The following SYNPR variants were observed in gnomAD, a reference collection of about 807,000 sequenced individuals.
SYNPR encodes synaptoporin.
Under a neutral mutation model 32.9 loss-of-function variants are expected in SYNPR, and 23 were observed. That is an observed-to-expected ratio of 0.70 (90% CI 0.50 to 0.99). The LOEUF is 0.99. Among genes scored for constraint, SYNPR ranks in the 50% least tolerant of loss-of-function variants. The pLI, the probability that SYNPR is intolerant of heterozygous loss-of-function variation, is 0.00. For synonymous variants in SYNPR, 146 were observed against 135.9 expected (o/e 1.07, Z -0.52); for missense variants, 318 against 349.3 (o/e 0.91, Z 0.71).
chr3:63,266,854 G>C (rs115314355), intron 2 of SYNPR, among the ~76,000 whole-genome samples: 1 of 152,170 alleles, frequency 6.6e-6, no homozygotes, highest in African/African-American at 2.4e-5. Flanking sequence ...GGTGCCGGGA[G>C]TCCATGGTAC....
chr3:63,368,167 C>T (rs2087750443), intron 2 of SYNPR, among the ~76,000 whole-genome samples: 1 of 152,110 alleles, frequency 6.6e-6, no homozygotes, highest in Non-Finnish European at 1.5e-5. Context: ...GAGGTGTTTG[C>T]CTGGACCAAG....
intron 3 of SYNPR, among the ~76,000 whole-genome samples, chr3:63,525,488 C>A (rs934825884): frequency 2.6e-5 from 4 of 152,190 alleles, no homozygotes; most frequent in African/African-American, 9.6e-5. Flanking sequence ...GAGAAGTCAC[C>A]TTCCCTGACC....
chr3:63,592,670 C>T (rs1462053564), intron 4 of SYNPR, among the ~76,000 whole-genome samples: 2 of 151,906 alleles, frequency 1.3e-5, no homozygotes, highest in Admixed American at 6.6e-5. Context: ...TTATGTTCTA[C>T]TGAGTTAAAT....
chr3:63,414,929 C>T (rs2088520210), intron 2 of SYNPR, among the ~76,000 whole-genome samples: 1 of 152,116 alleles, frequency 6.6e-6, no homozygotes, highest in Non-Finnish European at 1.5e-5. Context: ...TCTAAAAGTG[C>T]AAAATTTTCT....
At chr3:63,231,919 C>T (rs1265244175) in intron 1 of SYNPR, among the ~76,000 whole-genome samples, 1 of 152,172 alleles carries the variant, frequency 6.6e-6, no homozygotes, top group African/African-American at 2.4e-5. Flanking sequence ...TTAACAAGAT[C>T]AGTGAACCCC....
intron 2 of SYNPR, among the ~76,000 whole-genome samples, chr3:63,354,449 G>T (rs553225641): frequency 1.1e-4 from 16 of 152,276 alleles, no homozygotes; most frequent in Middle Eastern, 3.4e-3. Context: ...GTTAGAGTTT[G>T]CTTTGCAAGT....
chr3:63,443,989 T>C (rs1700227378), intron 2 of SYNPR, among the ~76,000 whole-genome samples: 1 of 152,218 alleles, frequency 6.6e-6, no homozygotes. Flanking sequence ...CCCCTACGAT[T>C]GGATGCATGC....
At chr3:63,256,166 C>G (rs1399120887) in intron 2 of SYNPR, among the ~76,000 whole-genome samples, 1 of 152,368 alleles carries the variant, frequency 6.6e-6, no homozygotes, top group East Asian at 1.9e-4. Context: ...AAACAAAAGG[C>G]AGCAGAAACC....
chr3:63,514,895 C>T (rs1023391812), intron 3 of SYNPR, among the ~76,000 whole-genome samples: 35 of 152,136 alleles, frequency 2.3e-4, no homozygotes, highest in Middle Eastern at 6.8e-3. Flanking sequence ...TCTAAGGTTT[C>T]CCACAAAAAC....
At chr3:63,352,963 C>T (rs1204158996) in intron 2 of SYNPR, among the ~76,000 whole-genome samples, 2 of 152,178 alleles carry the variant, frequency 1.3e-5, no homozygotes, top group Non-Finnish European at 2.9e-5. Context: ...AGCCATAATT[C>T]AACATGAGAT....
At chr3:63,457,434 T>C (rs973743459) in intron 2 of SYNPR, among the ~76,000 whole-genome samples, 6 of 152,178 alleles carry the variant, frequency 3.9e-5, no homozygotes, top group African/African-American at 1.4e-4. Flanking sequence ...GATATTTATG[T>C]CTCACCAATA....
chr3:63,236,095 T>C (rs988657336), intron 1 of SYNPR, among the ~76,000 whole-genome samples: 3 of 151,934 alleles, frequency 2.0e-5, no homozygotes, highest in Admixed American at 6.6e-5. Context: ...GGATGCCCAA[T>C]TAGTTTGGCA....
At chr3:63,592,027 T>G (rs563697222) in intron 4 of SYNPR, among the ~76,000 whole-genome samples, 67 of 151,982 alleles carry the variant, frequency 4.4e-4, no homozygotes, top group African/African-American at 1.5e-3. Context: ...GATCTCATAA[T>G]GAGATCAAGC....
intron 1 of SYNPR, among the ~76,000 whole-genome samples, chr3:63,242,897 A>G (rs2086259101): frequency 6.6e-6 from 1 of 152,104 alleles, no homozygotes; most frequent in African/African-American, 2.4e-5. Flanking sequence ...ATGGGAAAGA[A>G]TGAAATGGAA....
chr3:63,598,806 T>C (rs1699997289), intron 4 of SYNPR, among the ~76,000 whole-genome samples: 1 of 152,142 alleles, frequency 6.6e-6, no homozygotes, highest in African/African-American at 2.4e-5. Context: ...GCAGAAAAGG[T>C]CTTCAAAGGC....
intron 2 of SYNPR, among the ~76,000 whole-genome samples, chr3:63,338,891 T>C (rs1305552110): frequency 2.0e-5 from 3 of 152,232 alleles, no homozygotes; most frequent in Non-Finnish European, 4.4e-5. Context: ...TTACTCAATG[T>C]TGTAGCTCCT....
At chr3:63,467,744 T>C (rs1027909054) in intron 2 of SYNPR, among the ~76,000 whole-genome samples, 1 of 152,182 alleles carries the variant, frequency 6.6e-6, no homozygotes, top group Admixed American at 6.5e-5. Context: ...TTTTGAAAAT[T>C]TTTCAATATC....
At chr3:63,414,516 T>C (rs1299966782) in intron 2 of SYNPR, among the ~76,000 whole-genome samples, 1 of 152,216 alleles carries the variant, frequency 6.6e-6, no homozygotes, top group African/African-American at 2.4e-5. Flanking sequence ...CAAACCTGTC[T>C]TTGTCTTTTC....
the SYNPR span, among the ~76,000 whole-genome samples, chr3:63,220,718 C>T: frequency 6.6e-6 from 1 of 152,168 alleles, no homozygotes; most frequent in African/African-American, 2.4e-5. Context: ...CATTGCATTC[C>T]TCTCAGAGAC....
Sources: gnomAD v4.1 joint callset for allele counts (sites outside exome capture counted in the v4.1 genomes callset) on GRCh38, gnomAD v4.1.1 for gene constraint, MANE v1.5 for transcripts, NCBI Gene and HGNC (gene_info 2026-07-23, HGNC 2026-07-21) for gene names.